Variants in TMEM165 observed in about 807,000 individuals in gnomAD.
The protein encoded by TMEM165 is putative divalent cation/proton antiporter TMEM165.
TMEM165 carries 19 observed loss-of-function variants against 30.0 expected under a neutral mutation model. That is an observed-to-expected ratio of 0.63 (90% CI 0.44 to 0.93). The LOEUF (loss-of-function observed/expected upper bound fraction) is 0.93. TMEM165 is among the 40% of genes least tolerant of loss of function. TMEM165 has a pLI of 0.00. For synonymous variants in TMEM165, 168 were observed against 162.9 expected (o/e 1.03, Z -0.24); for missense variants, 340 against 417.0 (o/e 0.82, Z 1.61).
At chr4:55,412,558 C>T (rs771496465) in intron 2 of TMEM165, 1 of 151,710 alleles carries the variant, frequency 6.6e-6, no homozygotes, top group Non-Finnish European at 1.5e-5. Flanking sequence ...TTTTTTTCTT[C>T]CTATAATTTA....
intron 2 of TMEM165, chr4:55,415,394 C>CT (rs1332106595): frequency 6.6e-6 from 1 of 152,166 alleles, no homozygotes; most frequent in East Asian, 1.9e-4. Flanking sequence ...TTGCTCCTCA[C>CT]TTTCTAGTAC....
At chr4:55,438,952 T>C (rs1470886704) in intron 3 of TMEM165, among the ~76,000 whole-genome samples, 2 of 152,180 alleles carry the variant, frequency 1.3e-5, no homozygotes, top group Non-Finnish European at 2.9e-5. Context: ...TTAGCAATAA[T>C]TTCTTGGATA....
intron 1 of TMEM165, among the ~76,000 whole-genome samples, chr4:55,396,894 T>C (rs2109511168): frequency 6.6e-6 from 1 of 152,298 alleles, no homozygotes; most frequent in East Asian, 1.9e-4. Flanking sequence ...TTTTTAAAAA[T>C]GTGCTTTGGC....
intron 1 of TMEM165, among the ~76,000 whole-genome samples, chr4:55,407,498 G>A (rs1372657020): frequency 6.6e-6 from 1 of 152,108 alleles, no homozygotes; most frequent in Non-Finnish European, 1.5e-5. Flanking sequence ...TGGATATATT[G>A]GGTTAAGTAA....
At chr4:55,421,074 C>T (rs1356513627) in intron 4 of TMEM165, among the ~76,000 whole-genome samples, 1 of 144,360 alleles carries the variant, frequency 6.9e-6, no homozygotes, top group South Asian at 2.3e-4. Flanking sequence ...CCCAGCTACT[C>T]GGGAGGCTGA....
At chr4:55,432,208 T>TG (rs137900947) in intron 3 of TMEM165, 1 of 152,282 alleles carries the variant, frequency 6.6e-6, no homozygotes, top group African/African-American at 2.4e-5. Flanking sequence ...TTTTCTCCAA[T>TG]ATTTTCCATT....
chr4:55,448,719 T>A, intron 3 of TMEM165: 1 of 1,367,014 alleles, frequency 7.3e-7, no homozygotes, highest in Non-Finnish European at 1.0e-6. Context: ...AAAAATTACA[T>A]TAGCTTAAAA....
At chr4:55,440,006 T>TC (rs1173981137) in intron 3 of TMEM165, among the ~76,000 whole-genome samples, 1 of 152,120 alleles carries the variant, frequency 6.6e-6, no homozygotes, top group Non-Finnish European at 1.5e-5. Context: ...TTTGTATTTT[T>TC]CCACAATAAA....
chr4:55,443,740 C>T (rs1215403435), intron 3 of TMEM165: 2 of 1,613,940 alleles, frequency 1.2e-6, no homozygotes, highest in African/African-American at 2.7e-5. Context: ...TGAGTTGTGC[C>T]AATGTGTCCA....
intron 3 of TMEM165, 77 bp from the exon 4 acceptor site, chr4:55,417,726 T>G: frequency 7.4e-6 from 9 of 1,223,252 alleles, no homozygotes; most frequent in South Asian, 3.2e-5. Context: ...TTTAAACACT[T>G]AGAAAAGTCA....
chr4:55,417,290 C>T (rs1442638308), intron 3 of TMEM165, 43 bp downstream of exon 3: 15 of 1,581,944 alleles, frequency 9.5e-6, no homozygotes, highest in Non-Finnish European at 1.3e-5. Flanking sequence ...AGGCACTCAA[C>T]TAGGAATAAA....
chr4:55,415,770 T>TTA (rs1471878457), intron 2 of TMEM165: 1 of 152,196 alleles, frequency 6.6e-6, no homozygotes, highest in Non-Finnish European at 1.5e-5. Context: ...TACATACAGG[T>TTA]TATACATTTA....
chr4:55,417,889 T>C lies in TMEM165; in HGVS notation c.696T>C (p.Phe232=), dbSNP rs925125534. The C allele has an allele frequency of 6.2e-6, 10 of 1,614,126 alleles. No homozygotes were observed. The highest frequency in any genetic ancestry group is 7.6e-6 in the Non-Finnish European group (9 of 1,179,982). Residue 232 remains phenylalanine (F), a synonymous_variant, in exon 4 of 6, where the codon TTT becomes TTC. Coordinates refer to ENST00000381334, the MANE Select transcript of TMEM165 (RefSeq NM_018475.5). ...TACCTCAGAAAAAGTGGTTGCATTT[T>C]ATTTCACCCATTTTTGTTCAAGCTC... ...ITVPQKKWLH[F]ISPIFVQALT...
At chr4:55,452,172 T>C (rs983068882) in intron 3 of TMEM165, 4 of 152,160 alleles carry the variant, frequency 2.6e-5, no homozygotes, top group East Asian at 3.9e-4. Flanking sequence ...ATGCATAGAA[T>C]AGACAAAAGT....
intron 3 of TMEM165, chr4:55,442,486 T>G (rs1490002469): frequency 6.2e-7 from 1 of 1,606,132 alleles, no homozygotes; most frequent in Non-Finnish European, 8.5e-7. Flanking sequence ...GGTGCTGTTT[T>G]GTGGCATACT....
At chr4:55,403,516 A>C (rs28433072) in intron 1 of TMEM165, among the ~76,000 whole-genome samples, 54,175 of 127,732 alleles carry the variant, frequency 0.42, 12,496 homozygotes, top group East Asian at 0.86. Flanking sequence ...TTTTTTTACA[A>C]TTTTTACATT....
chr4:55,448,910 C>T, intron 3 of TMEM165: 1 of 1,398,258 alleles, frequency 7.2e-7, no homozygotes, highest in Non-Finnish European at 1.0e-6. Context: ...ATTCTCATTC[C>T]CATACATGAG....
intron 1 of TMEM165, chr4:55,403,392 C>A: frequency 1.1e-6 from 1 of 897,384 alleles, no homozygotes; most frequent in Non-Finnish European, 1.4e-6. Flanking sequence ...AACTCTAGAA[C>A]TAGAAAAGGA....
At chr4:55,416,038 G>A (rs753929009) in intron 2 of TMEM165, 1 of 151,738 alleles carries the variant, frequency 6.6e-6, no homozygotes, top group Non-Finnish European at 1.5e-5. Flanking sequence ...TATTTTTTTT[G>A]TAGAGACAGG....
Sources: allele counts gnomAD v4.1 joint callset (sites outside exome capture counted in the v4.1 genomes callset), GRCh38; gene constraint gnomAD v4.1.1; transcripts MANE v1.5; gene names NCBI Gene and HGNC (gene_info 2026-07-23, HGNC 2026-07-21).